SCHIP1: variants seen among roughly 807,000 people sequenced by gnomAD.
SCHIP1 encodes the protein schwannomin interacting protein 1.
A neutral mutation model predicts 29.7 loss-of-function variants in SCHIP1; 8 were observed. That is an observed-to-expected ratio of 0.27 (90% CI 0.16 to 0.49). The LOEUF (loss-of-function observed/expected upper bound fraction) is 0.49, where lower values mean the gene tolerates loss of function less well. SCHIP1 is among the 20% of genes least tolerant of loss of function. The pLI is 0.99. For synonymous variants in SCHIP1, 76 were observed against 94.9 expected, an observed-to-expected ratio of 0.80 and a Z score of 1.16; for missense variants, 193 against 294.6, an observed-to-expected ratio of 0.66 and a Z score of 2.52.
At chr3:159,685,741 G>C in the SCHIP1 span, among the ~76,000 whole-genome samples, 1 of 152,114 alleles carries the variant, frequency 6.6e-6, no homozygotes, top group African/African-American at 2.4e-5. Context: ...TACTGAACAT[G>C]AATTTTACCC....
chr3:159,559,861 G>A, the SCHIP1 span, among the ~76,000 whole-genome samples: 1 of 151,798 alleles, frequency 6.6e-6, no homozygotes, highest in African/African-American at 2.4e-5. Flanking sequence ...CTTTGTAGTT[G>A]GCCAAATTTT....
chr3:159,670,523 C>T, the SCHIP1 span, among the ~76,000 whole-genome samples: 1 of 152,254 alleles, frequency 6.6e-6, no homozygotes, highest in Non-Finnish European at 1.5e-5. Flanking sequence ...GAAAACTCAT[C>T]ATGAACTGTA....
chr3:159,280,434 A>C, the SCHIP1 span, among the ~76,000 whole-genome samples: 1 of 152,156 alleles, frequency 6.6e-6, no homozygotes, highest in Non-Finnish European at 1.5e-5. Context: ...AATTTAATCT[A>C]GACCTGGGAC....
At chr3:159,422,184 A>T in the SCHIP1 span, among the ~76,000 whole-genome samples, 1 of 152,208 alleles carries the variant, frequency 6.6e-6, no homozygotes. Context: ...TGCTAAGCAG[A>T]AGTCTGAGGG....
chr3:159,609,522 G>T, the SCHIP1 span, among the ~76,000 whole-genome samples: 2 of 152,016 alleles, frequency 1.3e-5, no homozygotes, highest in Non-Finnish European at 2.9e-5. Context: ...AGTATTTCTC[G>T]TTGGCCTTCC....
At chr3:159,586,241 C>T in the SCHIP1 span, among the ~76,000 whole-genome samples, 1 of 152,110 alleles carries the variant, frequency 6.6e-6, no homozygotes, top group Non-Finnish European at 1.5e-5. Flanking sequence ...GTCCTGCTGC[C>T]TTCCCCAAAA....
chr3:159,432,103 G>A, the SCHIP1 span, among the ~76,000 whole-genome samples: 1 of 152,088 alleles, frequency 6.6e-6, no homozygotes, highest in African/African-American at 2.4e-5. Context: ...TGAGGCTACA[G>A]TTAAGACGTT....
At chr3:159,877,586 T>G in intron 2 of SCHIP1, among the ~76,000 whole-genome samples, 1 of 152,236 alleles carries the variant, frequency 6.6e-6, no homozygotes, top group Non-Finnish European at 1.5e-5. Context: ...GCTTTAATGG[T>G]CAAAAGAATA....
chr3:159,660,669 A>G, the SCHIP1 span, among the ~76,000 whole-genome samples: 3 of 152,250 alleles, frequency 2.0e-5, no homozygotes, highest in African/African-American at 7.2e-5. Flanking sequence ...TTAATAAAGA[A>G]TGAGGATTTA....
At chr3:159,392,813 T>A in the SCHIP1 span, among the ~76,000 whole-genome samples, 1 of 152,198 alleles carries the variant, frequency 6.6e-6, no homozygotes, top group Non-Finnish European at 1.5e-5. Flanking sequence ...TTTGTAGTCC[T>A]TTGGGTATAT....
At chr3:159,664,344 GTAGTTA>G in the SCHIP1 span, among the ~76,000 whole-genome samples, 1 of 152,194 alleles carries the variant, frequency 6.6e-6, no homozygotes, top group African/African-American at 2.4e-5. Flanking sequence ...TAATAATATA[GTAGTTA>G]TAGTCCCTTA....
the SCHIP1 span, among the ~76,000 whole-genome samples, chr3:159,353,929 T>C: frequency 6.6e-6 from 1 of 152,212 alleles, no homozygotes; most frequent in African/African-American, 2.4e-5. Context: ...AATAATTCTT[T>C]GTTAGCTACT....
the SCHIP1 span, among the ~76,000 whole-genome samples, chr3:159,439,394 G>A: frequency 6.6e-6 from 1 of 152,104 alleles, no homozygotes; most frequent in Non-Finnish European, 1.5e-5. Context: ...AGTGCCAAGT[G>A]AAGGGTGGAA....
the SCHIP1 span, among the ~76,000 whole-genome samples, chr3:159,468,494 A>G: frequency 6.6e-6 from 1 of 151,886 alleles, no homozygotes; most frequent in Non-Finnish European, 1.5e-5. Flanking sequence ...TACTCATTAA[A>G]ACGGTATTAT....
chr3:159,892,525 A>C (rs576204536), intron 6 of SCHIP1: 1 of 511,268 alleles, frequency 2.0e-6, no homozygotes, highest in East Asian at 3.2e-5. Flanking sequence ...TCATGCTGGC[A>C]TGTTTCCAGC....
At chr3:159,602,854 G>A in the SCHIP1 span, among the ~76,000 whole-genome samples, 1 of 152,092 alleles carries the variant, frequency 6.6e-6, no homozygotes, top group South Asian at 2.1e-4. Flanking sequence ...CAAATGTGTG[G>A]GGTATTTTTC....
At chr3:159,506,614 T>C in the SCHIP1 span, among the ~76,000 whole-genome samples, 2 of 152,354 alleles carry the variant, frequency 1.3e-5, no homozygotes, top group East Asian at 1.9e-4. Flanking sequence ...AACATTTAAG[T>C]CTTTAATCCT....
chr3:159,649,159 A>G, the SCHIP1 span, among the ~76,000 whole-genome samples: 1 of 152,076 alleles, frequency 6.6e-6, no homozygotes, highest in Admixed American at 6.6e-5. Context: ...AATTTGCCCA[A>G]TGTCATTTGC....
the SCHIP1 span, among the ~76,000 whole-genome samples, chr3:159,324,535 T>C: frequency 6.6e-6 from 1 of 152,150 alleles, no homozygotes; most frequent in Non-Finnish European, 1.5e-5. Flanking sequence ...CATGTCTCTG[T>C]TATTAGCATA....
Sources: gnomAD v4.1 joint callset for allele counts (sites outside exome capture counted in the v4.1 genomes callset) on GRCh38, gnomAD v4.1.1 for gene constraint, MANE v1.5 for transcripts, NCBI Gene and HGNC (gene_info 2026-07-23, HGNC 2026-07-21) for gene names.